The following FBXL7 variants were observed in gnomAD, a reference collection of about 807,000 sequenced individuals.
FBXL7 encodes F-box/LRR-repeat protein 7.
In FBXL7, 12 loss-of-function variants were observed where a neutral mutation model predicts 38.3. The ratio of observed to expected loss-of-function variants is 0.31; its 90% CI spans 0.20 to 0.51. The LOEUF (loss-of-function observed/expected upper bound fraction) is 0.51. Among genes scored for constraint, FBXL7 ranks in the 20% least tolerant of loss-of-function variants. The pLI is 0.98. For synonymous variants in FBXL7, 297 were observed against 300.9 expected (o/e 0.99, Z 0.13); for missense variants, 567 against 676.4 (o/e 0.84, Z 1.79).
At chr5:15,893,153 A>T (rs1348949956) in intron 2 of FBXL7, among the ~76,000 whole-genome samples, 2 of 151,830 alleles carry the variant, frequency 1.3e-5, no homozygotes, top group African/African-American at 2.4e-5. Flanking sequence ...TTAGAGAGTT[A>T]AATATGTACA....
At chr5:15,525,550 T>A (rs749983918) in intron 1 of FBXL7, among the ~76,000 whole-genome samples, 1 of 152,160 alleles carries the variant, frequency 6.6e-6, no homozygotes, top group African/African-American at 2.4e-5. Context: ...CTTAGCCAAC[T>A]TATCTTGCTT....
intron 1 of FBXL7, among the ~76,000 whole-genome samples, chr5:15,604,921 G>A (rs1255357722): frequency 6.6e-6 from 1 of 152,152 alleles, no homozygotes; most frequent in Non-Finnish European, 1.5e-5. Flanking sequence ...GTTGAAGAGG[G>A]GCGCTTTGCA....
At chr5:15,770,593 TA>T (rs1170920030) in intron 2 of FBXL7, among the ~76,000 whole-genome samples, 1 of 152,240 alleles carries the variant, frequency 6.6e-6, no homozygotes, top group Non-Finnish European at 1.5e-5. Context: ...GAGATGAATT[TA>T]AACTCTTACT....
intron 2 of FBXL7, among the ~76,000 whole-genome samples, chr5:15,927,600 C>T (rs1385833280): frequency 2.0e-5 from 3 of 151,640 alleles, no homozygotes; most frequent in African/African-American, 7.3e-5. Flanking sequence ...GGTAAAACCC[C>T]GTCTCTACTA....
chr5:15,622,274 TTTTA>T (rs534104748), intron 2 of FBXL7, among the ~76,000 whole-genome samples: 552 of 151,146 alleles, frequency 3.7e-3, no homozygotes, highest in African/African-American at 0.012. Flanking sequence ...TATTTTTTAT[TTTTA>T]TTTATTTATT....
intron 2 of FBXL7, among the ~76,000 whole-genome samples, chr5:15,709,395 G>A (rs931336735): frequency 3.9e-5 from 6 of 151,960 alleles, no homozygotes; most frequent in Non-Finnish European, 8.8e-5. Flanking sequence ...TTAGCCGGGT[G>A]TGGTTGTGCA....
intron 2 of FBXL7, among the ~76,000 whole-genome samples, chr5:15,893,422 C>G (rs1275841365): frequency 6.6e-6 from 1 of 152,102 alleles, no homozygotes; most frequent in Non-Finnish European, 1.5e-5. Context: ...TGTTATAAAT[C>G]AATTCTGAGT....
chr5:15,766,728 A>G (rs967943411), intron 2 of FBXL7, among the ~76,000 whole-genome samples: 2 of 152,178 alleles, frequency 1.3e-5, no homozygotes, highest in Admixed American at 6.5e-5. Flanking sequence ...TTTCCTATCT[A>G]CTTATTTTGT....
At chr5:15,857,490 A>G (rs560179009) in intron 2 of FBXL7, among the ~76,000 whole-genome samples, 15 of 152,328 alleles carry the variant, frequency 9.8e-5, no homozygotes, top group African/African-American at 3.4e-4. Flanking sequence ...CCCAGAGTCC[A>G]TGCTCTTCAC....
chr5:15,611,945 C>T (rs958148764), intron 1 of FBXL7, among the ~76,000 whole-genome samples: 10 of 151,716 alleles, frequency 6.6e-5, no homozygotes, highest in Non-Finnish European at 1.5e-4. Flanking sequence ...GGTGCCACTA[C>T]ACTCCAGCTT....
chr5:15,879,360 C>A (rs1303888240), intron 2 of FBXL7, among the ~76,000 whole-genome samples: 3 of 152,150 alleles, frequency 2.0e-5, no homozygotes, highest in Non-Finnish European at 2.9e-5. Flanking sequence ...TGCTTGCCCT[C>A]CACCAGGAAT....
At chr5:15,521,791 C>T (rs1319038703) in intron 1 of FBXL7, among the ~76,000 whole-genome samples, 2 of 152,170 alleles carry the variant, frequency 1.3e-5, no homozygotes, top group Admixed American at 6.5e-5. Context: ...TCTTCTCCTG[C>T]GTGTACTTAA....
intron 1 of FBXL7, among the ~76,000 whole-genome samples, chr5:15,598,166 G>GA (rs1739680888): frequency 6.6e-6 from 1 of 152,164 alleles, no homozygotes; most frequent in Admixed American, 6.5e-5. Context: ...TTTCAAAGAG[G>GA]AAAGAGACCT....
intron 2 of FBXL7, among the ~76,000 whole-genome samples, chr5:15,662,952 C>T (rs879581148): frequency 2.0e-5 from 3 of 152,058 alleles, no homozygotes; most frequent in Non-Finnish European, 4.4e-5. Context: ...TGGTTTGTTC[C>T]TTTTGCTTAG....
chr5:15,823,552 C>T (rs1738228531), intron 2 of FBXL7, among the ~76,000 whole-genome samples: 1 of 152,130 alleles, frequency 6.6e-6, no homozygotes, highest in African/African-American at 2.4e-5. Flanking sequence ...ATTTTGAGAT[C>T]TGTGAATGTG....
intron 1 of FBXL7, among the ~76,000 whole-genome samples, chr5:15,524,940 C>A (rs1382855785): frequency 2.0e-5 from 3 of 152,212 alleles, no homozygotes; most frequent in African/African-American, 7.2e-5. Context: ...TGCACCTGTT[C>A]CCATTCATCA....
At chr5:15,648,083 G>A (rs991875478) in intron 2 of FBXL7, among the ~76,000 whole-genome samples, 1 of 152,218 alleles carries the variant, frequency 6.6e-6, no homozygotes, top group Non-Finnish European at 1.5e-5. Context: ...GTGACATGAG[G>A]TGGATAGAAT....
chr5:15,867,665 A>G (rs1475266229), intron 2 of FBXL7, among the ~76,000 whole-genome samples: 1 of 152,182 alleles, frequency 6.6e-6, no homozygotes, highest in Non-Finnish European at 1.5e-5. Flanking sequence ...ATAGAGGGAG[A>G]TTAATCTTGA....
intron 3 of FBXL7, among the ~76,000 whole-genome samples, chr5:15,930,449 A>G (rs1015620599): frequency 6.6e-6 from 1 of 152,178 alleles, no homozygotes; most frequent in Non-Finnish European, 1.5e-5. Context: ...GGTGCTTCCC[A>G]TGCACTCTTA....
Sources: gnomAD v4.1 joint callset for allele counts (sites outside exome capture counted in the v4.1 genomes callset) on GRCh38, gnomAD v4.1.1 for gene constraint, MANE v1.5 for transcripts, NCBI Gene and HGNC (gene_info 2026-07-23, HGNC 2026-07-21) for gene names.